SDK2: variants seen among roughly 807,000 people sequenced by gnomAD.
SDK2 encodes the protein sidekick cell adhesion molecule 2.
In SDK2, 105 loss-of-function variants were observed where a neutral mutation model predicts 253.9. The ratio of observed to expected loss-of-function variants is 0.41; its 90% CI spans 0.35 to 0.49. The LOEUF is 0.49. SDK2 is among the 20% of genes least tolerant of loss of function. The pLI, the probability that SDK2 is intolerant of heterozygous loss-of-function variation, is 0.06. For missense variants in SDK2, 2,608 were observed against 3,003.0 expected (o/e 0.87, Z 3.07); for synonymous variants, 1,249 against 1,234.9 (o/e 1.01, Z -0.24).
At chr17:73,386,351 A>C in intron 31 of SDK2, 94 bp downstream of exon 31, 1 of 927,636 alleles carries the variant, frequency 1.1e-6, no homozygotes, top group African/African-American at 1.6e-5. Flanking sequence ...CGCCTCTCTC[A>C]TCTTTGGAGG....
At chr17:73,477,411 TGGAGAAG>T (rs2063693781) in intron 2 of SDK2, among the ~76,000 whole-genome samples, 1 of 152,014 alleles carries the variant, frequency 6.6e-6, no homozygotes, top group South Asian at 2.1e-4. Flanking sequence ...AGTGCAGTGT[TGGAGAAG>T]GCACCAGGAC....
chr17:73,574,073 A>C (rs1205625412), intron 1 of SDK2, among the ~76,000 whole-genome samples: 1 of 151,826 alleles, frequency 6.6e-6, no homozygotes, highest in East Asian at 1.9e-4. Flanking sequence ...GCGCTTCCTC[A>C]CTGTCTGCCT....
chr17:73,436,223 G>A (rs1024301204), intron 8 of SDK2, among the ~76,000 whole-genome samples: 1 of 152,156 alleles, frequency 6.6e-6, no homozygotes, highest in African/African-American at 2.4e-5. Flanking sequence ...CTTTGCACAT[G>A]GAGGTGAAAG....
intron 36 of SDK2, among the ~76,000 whole-genome samples, chr17:73,377,631 CT>C (rs1160933749): frequency 0.04 from 5,524 of 138,360 alleles, 256 homozygotes; most frequent in East Asian, 0.12. Context: ...CTGCTGCCTG[CT>C]TTTTTTTTTT....
Position 73,393,629 on chromosome 17 carries a change from G to A in SDK2, c.3829C>T (p.Leu1277=). Residue 1277 remains leucine, a synonymous_variant, in exon 27 of 45, where the codon CTG becomes TTG. Transcript: ENST00000392650. The stretch of plus-strand genomic sequence containing the variant: ...CCGTCCCCGATGCGTGTGAAGGCCA[G>A]CACCTGGACTTCATAGAGCACGTAT... ...GKYVLYEVQV[L]AFTRIGDGSP... 5 of 1,597,140 alleles carry A rather than the reference G, an allele frequency of 3.1e-6. No individual in the cohort carries two copies. The highest frequency in any genetic ancestry group is 4.3e-6 in the Non-Finnish European group (5 of 1,167,630).
intron 2 of SDK2, among the ~76,000 whole-genome samples, chr17:73,476,731 C>T (rs917757827): frequency 6.6e-6 from 1 of 152,188 alleles, no homozygotes; most frequent in Admixed American, 6.5e-5. Context: ...GATCCTCCTG[C>T]CTCAACCTTC....
intron 10 of SDK2, among the ~76,000 whole-genome samples, chr17:73,432,782 G>A (rs2063337023): frequency 6.6e-6 from 1 of 152,102 alleles, no homozygotes; most frequent in Non-Finnish European, 1.5e-5. Context: ...GTGTGCACAT[G>A]TGTATGTACA....
intron 1 of SDK2, among the ~76,000 whole-genome samples, chr17:73,556,300 A>G (rs2045142166): frequency 6.6e-6 from 1 of 151,958 alleles, no homozygotes; most frequent in Admixed American, 6.6e-5. Flanking sequence ...AGCCAGCGGC[A>G]AGCTTTTACC....
intron 42 of SDK2, 121 bp from the exon 43 acceptor site, chr17:73,350,496 T>C: frequency 6.9e-7 from 1 of 1,439,072 alleles, no homozygotes; most frequent in South Asian, 1.4e-5. Context: ...AAATAAGAGA[T>C]TGAGATTGTG....
intron 18 of SDK2, among the ~76,000 whole-genome samples, chr17:73,410,564 G>T (rs2063117240): frequency 6.6e-6 from 1 of 152,084 alleles, no homozygotes; most frequent in Admixed American, 6.6e-5. Flanking sequence ...GTGATCTCCT[G>T]CCTCGACCTC....
intron 36 of SDK2, among the ~76,000 whole-genome samples, chr17:73,372,455 T>G (rs2062742159): frequency 6.6e-6 from 1 of 152,198 alleles, no homozygotes; most frequent in Non-Finnish European, 1.5e-5. Context: ...GATGAATAAA[T>G]GCCTTATGTG....
intron 1 of SDK2, among the ~76,000 whole-genome samples, chr17:73,640,143 C>G (rs1365304045): frequency 6.6e-6 from 1 of 152,156 alleles, no homozygotes; most frequent in Admixed American, 6.5e-5. Flanking sequence ...CCTTCCCAGC[C>G]TCCTTTCCCT....
chr17:73,467,512 C>G lies in SDK2; in HGVS notation c.331+4600G>C, dbSNP rs1422342098. Among the ~76,000 whole-genome samples the G allele has an allele frequency of 6.6e-6, 1 of 152,142 alleles. No homozygotes were observed. The highest frequency in any genetic ancestry group is 1.5e-5 in the Non-Finnish European group (1 of 68,018). On this transcript the variant is annotated intron_variant, in intron 3 of 44. Coordinates refer to ENST00000392650, the MANE Select transcript of SDK2 (RefSeq NM_001144952.2). The surrounding 1 kb of genome is among the most constrained non-coding windows in gnomAD (Gnocchi z 4.1). ...CTGCTATGAGTGAGAATGGTTTTGCCAAGTGCTGTGTTTCCCTAGGCCCAG... is the reference window on the plus strand; with the variant it reads ...CTGCTATGAGTGAGAATGGTTTTGCGAAGTGCTGTGTTTCCCTAGGCCCAG...
intron 39 of SDK2, among the ~76,000 whole-genome samples, chr17:73,360,307 A>G (rs572785207): frequency 6.6e-6 from 1 of 152,324 alleles, no homozygotes; most frequent in South Asian, 2.1e-4. Context: ...GGGAATAGAA[A>G]GTGACTGGCC....
chr17:73,369,185 AG>A (rs779431400), intron 36 of SDK2: 1 of 470,636 alleles, frequency 2.1e-6, no homozygotes, highest in African/African-American at 2.0e-5. Context: ...ATCAGCACTT[AG>A]TACAGTTCCT....
At chr17:73,408,578 T>G (rs1294294295) in intron 18 of SDK2, among the ~76,000 whole-genome samples, 1 of 152,226 alleles carries the variant, frequency 6.6e-6, no homozygotes, top group Non-Finnish European at 1.5e-5. Flanking sequence ...GCCTCTAGCT[T>G]TAAGTTACAA....
intron 36 of SDK2, among the ~76,000 whole-genome samples, chr17:73,372,154 C>T (rs1322355674): frequency 6.6e-6 from 1 of 152,186 alleles, no homozygotes; most frequent in Non-Finnish European, 1.5e-5. Flanking sequence ...AAACCAGGCA[C>T]TCCGGCAGGT....
rs2063608120 is a variant in SDK2, at chr17:73,467,195, G to A, written c.331+4917C>T. 6.6e-6 allele frequency among the ~76,000 whole-genome samples: 1 copy of A among 152,048 alleles called. No homozygotes were observed. Among genetic ancestry groups the A allele is most frequent in the Non-Finnish European group, 1.5e-5 (1 of 68,018 alleles). On this transcript the variant is annotated intron_variant, in intron 3 of 44. Transcript: ENST00000392650. The surrounding 1 kb of genome is among the most constrained non-coding windows in gnomAD (Gnocchi z 4.1). ...ACATGGATTATTACAGCCCAGGGCT[G>A]TCCCTGATTCTGTCTGAACTCTGAC...
In SDK2 at chr17:73,401,169, C is replaced by T. The variant is rs764382713; in HGVS notation, c.2822G>A (p.Arg941His). The T allele has an allele frequency of 2.5e-5, 39 of 1,557,312 alleles. No individual in the cohort carries two copies. Among genetic ancestry groups the T allele is most frequent in the South Asian group, 2.1e-4 (18 of 84,332 alleles). Residue 941 changes from arginine (R) to histidine (H), a missense_variant, in exon 21 of 45, where the codon CGT becomes CAT. Arg to His is a conservative substitution (Grantham distance 29, BLOSUM62 0). This residue lies in a region of SDK2 where 1,505 missense variants were observed against 1,859.1 expected (regional missense o/e 0.81). Coordinates refer to ENST00000392650, the MANE Select transcript of SDK2 (RefSeq NM_001144952.2). Reference sequence around the variant, plus strand: ...CACGTTGGGCAGGTAGTGGGTCACACGGGTGTTGGTTCGATTGTACTCCTC... The same window carrying T: ...CACGTTGGGCAGGTAGTGGGTCACATGGGTGTTGGTTCGATTGTACTCCTC... ...SWEEYNRTNT[R>H]VTHYLPNVTL...
Sources: allele counts gnomAD v4.1 joint callset (sites outside exome capture counted in the v4.1 genomes callset), GRCh38; gene constraint gnomAD v4.1.1; regional missense constraint gnomAD v4.1.1; non-coding constraint Gnocchi (gnomAD v3.1); transcripts MANE v1.5; gene names NCBI Gene and HGNC (gene_info 2026-07-23, HGNC 2026-07-21).